The following SLC2A13 variants were observed in gnomAD, a reference collection of about 807,000 sequenced individuals.
The protein encoded by SLC2A13 is solute carrier family 2 member 13, also known as proton myo-inositol cotransporter.
SLC2A13 carries 32 observed loss-of-function variants against 64.4 expected under a neutral mutation model. The observed-to-expected ratio is 0.50, with a 90% CI of 0.37 to 0.67. The LOEUF (loss-of-function observed/expected upper bound fraction) is 0.67. Ranked by LOEUF, SLC2A13 falls within the 30% of genes least tolerant of loss-of-function variation. The probability of loss-of-function intolerance (pLI) is 0.00; values close to 1 mark genes in which losing one functional copy is unlikely to be tolerated. For missense variants in SLC2A13, 743 were observed against 829.2 expected (o/e 0.90, Z 1.28); for synonymous variants, 338 against 327.1 (o/e 1.03, Z -0.36).
At chr12:40,088,076 T>C (rs963554372) in intron 1 of SLC2A13, among the ~76,000 whole-genome samples, 8 of 152,234 alleles carry the variant, frequency 5.3e-5, no homozygotes, top group Non-Finnish European at 1.2e-4. Context: ...GTTTGTCTTA[T>C]GATTCTGTGA....
At chr12:39,797,740 A>ACACACACATACG (rs1941626290) in intron 7 of SLC2A13, among the ~76,000 whole-genome samples, 1 of 131,370 alleles carries the variant, frequency 7.6e-6, no homozygotes, top group Admixed American at 7.4e-5. Context: ...ACACACACAC[A>ACACACACATACG]CACACACACA....
At chr12:39,989,705 T>A (rs1947098906) in intron 3 of SLC2A13, among the ~76,000 whole-genome samples, 1 of 152,170 alleles carries the variant, frequency 6.6e-6, no homozygotes, top group African/African-American at 2.4e-5. Context: ...ATGCACAACT[T>A]TTTTTCCACA....
At chr12:39,896,092 A>G (rs906878814) in intron 4 of SLC2A13, among the ~76,000 whole-genome samples, 3 of 132,848 alleles carry the variant, frequency 2.3e-5, no homozygotes, top group African/African-American at 8.4e-5. Context: ...ACATATATGT[A>G]TACACGTGTA....
chr12:40,018,853 G>A (rs1339126896), intron 3 of SLC2A13, among the ~76,000 whole-genome samples: 1 of 152,164 alleles, frequency 6.6e-6, no homozygotes, highest in African/African-American at 2.4e-5. Context: ...CACCCTGAGA[G>A]TCAGAAGGCA....
chr12:40,014,717 C>T (rs866097506), intron 3 of SLC2A13, among the ~76,000 whole-genome samples: 2 of 152,132 alleles, frequency 1.3e-5, no homozygotes, highest in African/African-American at 4.8e-5. Context: ...TGGTCTTAAA[C>T]TCCCAAGCTC....
At chr12:40,100,201 G>A (rs753885076) in intron 1 of SLC2A13, among the ~76,000 whole-genome samples, 1 of 152,182 alleles carries the variant, frequency 6.6e-6, no homozygotes, top group Non-Finnish European at 1.5e-5. Context: ...AGGGAGTCCG[G>A]AAAGAGGCTG....
chr12:40,069,427 G>A (rs1937869123), intron 1 of SLC2A13, among the ~76,000 whole-genome samples: 1 of 151,960 alleles, frequency 6.6e-6, no homozygotes, highest in Admixed American at 6.6e-5. Flanking sequence ...TGAAAACTAT[G>A]TGCATCTTAA....
chr12:39,864,646 C>A (rs555634461), intron 6 of SLC2A13, 116 bp downstream of exon 6: 726 of 1,380,892 alleles, frequency 5.3e-4, no homozygotes, highest in Non-Finnish European at 5.3e-4. Context: ...TCCCTTCTTA[C>A]ATAAGCCTGG....
intron 4 of SLC2A13, among the ~76,000 whole-genome samples, chr12:39,889,970 C>T (rs925984443): frequency 2.0e-5 from 3 of 152,016 alleles, no homozygotes; most frequent in African/African-American, 7.2e-5. Flanking sequence ...AATCTCTGGC[C>T]AATAATATTT....
intron 3 of SLC2A13, among the ~76,000 whole-genome samples, chr12:39,999,282 A>G (rs979325475): frequency 7.2e-5 from 11 of 152,202 alleles, no homozygotes; most frequent in African/African-American, 2.7e-4. Context: ...GACAACCATA[A>G]GGTCTGACTG....
chr12:39,999,048 A>C (rs1456868509), intron 3 of SLC2A13, among the ~76,000 whole-genome samples: 5 of 152,196 alleles, frequency 3.3e-5, no homozygotes. Context: ...TTTCATGGAC[A>C]CTTACCAGTT....
intron 4 of SLC2A13, among the ~76,000 whole-genome samples, chr12:39,874,191 T>C (rs557171790): frequency 1.8e-4 from 28 of 152,326 alleles, no homozygotes; most frequent in African/African-American, 6.3e-4. Context: ...CATAGAGGTT[T>C]GCCAGCAGGT....
At chr12:39,925,183 C>T (rs967141761) in intron 4 of SLC2A13, among the ~76,000 whole-genome samples, 2 of 151,884 alleles carry the variant, frequency 1.3e-5, no homozygotes, top group African/African-American at 4.8e-5. Flanking sequence ...TGGGGTACAC[C>T]ATCATGCCCG....
intron 1 of SLC2A13, among the ~76,000 whole-genome samples, chr12:40,092,410 C>T (rs1225966303): frequency 1.3e-5 from 2 of 152,222 alleles, no homozygotes; most frequent in East Asian, 3.9e-4. Flanking sequence ...AAACGTAACC[C>T]CATCCAGAAT....
At chr12:39,963,483 C>G (rs1295226334) in intron 3 of SLC2A13, among the ~76,000 whole-genome samples, 1 of 152,154 alleles carries the variant, frequency 6.6e-6, no homozygotes, top group African/African-American at 2.4e-5. Flanking sequence ...TAACAATACA[C>G]TAGGCATAAA....
At chr12:39,888,920 A>G (rs1176292536) in intron 4 of SLC2A13, among the ~76,000 whole-genome samples, 2 of 152,212 alleles carry the variant, frequency 1.3e-5, no homozygotes, top group African/African-American at 4.8e-5. Context: ...TCAGATTTCA[A>G]ATAAATATAT....
intron 3 of SLC2A13, among the ~76,000 whole-genome samples, chr12:39,955,517 GT>G (rs1357926025): frequency 1.3e-5 from 2 of 151,946 alleles, no homozygotes; most frequent in African/African-American, 4.8e-5. Context: ...AACCAAAATT[GT>G]TTTTTTAAGA....
rs1346803867 is a variant in SLC2A13 at position 39,961,836 on chromosome 12, T to G, written c.926-10471A>C. ...TTTTATGAGACAGAGTCTCACTCTGTCACCTAAGCTGGAAAGCTGCGGCAC... is the reference window on the plus strand; with the variant it reads ...TTTTATGAGACAGAGTCTCACTCTGGCACCTAAGCTGGAAAGCTGCGGCAC... On this transcript the variant is annotated intron_variant, in intron 3 of 9. Transcript: ENST00000280871. Among the ~76,000 whole-genome samples, 3 of 150,342 alleles carry G rather than the reference T, an allele frequency of 2.0e-5. No homozygotes were observed. In the East Asian group the frequency reaches 5.9e-4, roughly 29 times the overall value.
In SLC2A13 at chr12:39,990,968, C is replaced by A. The variant is rs576780489; in HGVS notation, c.925+37333G>T. Reference sequence around the variant, plus strand: ...CTCTCTCTCCCCCTGAAGTGTGTGCCAAACACTGATTTTCCTCCTGTAAAG... The same window carrying A: ...CTCTCTCTCCCCCTGAAGTGTGTGCAAAACACTGATTTTCCTCCTGTAAAG... On this transcript the variant is annotated intron_variant, in intron 3 of 9. Coordinates refer to ENST00000280871, the MANE Select transcript of SLC2A13 (RefSeq NM_052885.4). Among the ~76,000 whole-genome samples the A allele has an allele frequency of 4.6e-5, 7 of 152,246 alleles. No homozygotes were observed. The East Asian group carries it at 1.4e-3, about 30-fold the overall frequency.
Sources: gnomAD v4.1 joint callset for allele counts (sites outside exome capture counted in the v4.1 genomes callset) on GRCh38, gnomAD v4.1.1 for gene constraint, MANE v1.5 for transcripts, NCBI Gene and HGNC (gene_info 2026-07-23, HGNC 2026-07-21) for gene names.